The following SOX5 variants were observed in gnomAD, a reference collection of about 807,000 sequenced individuals.
The protein encoded by SOX5 is SRY-box transcription factor 5.
SOX5 carries 9 observed loss-of-function variants against 92.0 expected under a neutral mutation model. That is an observed-to-expected ratio of 0.10 (90% CI 0.06 to 0.17). The LOEUF is 0.17. Ranked by LOEUF, SOX5 falls within the 10% of genes least tolerant of loss-of-function variation. The pLI is 1.00. For synonymous variants in SOX5, 344 were observed against 336.3 expected (o/e 1.02, Z -0.25); for missense variants, 642 against 944.5 (o/e 0.68, Z 4.20).
rs57192965 is a variant in SOX5 at position 24,370,476 on chromosome 12, C to CAAAAAAAAAAA, written c.-250-1848_-250-1838dup. 2.2e-3 allele frequency among the ~76,000 whole-genome samples: 172 copies of CAAAAAAAAAAA among 79,690 alleles called. 8 individuals are homozygous for CAAAAAAAAAAA. The highest frequency in any genetic ancestry group is 8.0e-3 in the African/African-American group (159 of 19,954). 52.3% of individuals were successfully genotyped at this position (79,690 alleles called of 152,430 possible). Reference sequence around the variant, plus strand: ...TGGGCGACACTGCAAGACTCCGTCTCAAAAAAAAAAAAAAAAAAAGATGTA... The same window carrying CAAAAAAAAAAA: ...TGGGCGACACTGCAAGACTCCGTCTCAAAAAAAAAAAAAAAAAAAAAAAAAAAAAAGATGTA... On this transcript the variant is annotated intron_variant, in intron 1 of 4. Transcript: ENST00000446891.
intron 4 of SOX5, among the ~76,000 whole-genome samples, chr12:24,125,531 G>T (rs1215532883): frequency 6.6e-6 from 1 of 152,066 alleles, no homozygotes; most frequent in Non-Finnish European, 1.5e-5. Flanking sequence ...GTACCATTTT[G>T]CCCCTTCTGT....
chr12:23,694,095 C>T (rs757562443), intron 6 of SOX5, among the ~76,000 whole-genome samples: 1 of 152,006 alleles, frequency 6.6e-6, no homozygotes, highest in African/African-American at 2.4e-5. Context: ...ACTTTTGCTC[C>T]CATGATTATG....
chr12:24,255,089 T>A (rs891873260), intron 3 of SOX5, among the ~76,000 whole-genome samples: 10 of 152,292 alleles, frequency 6.6e-5, no homozygotes, highest in African/African-American at 2.4e-4. Context: ...CAAGGGTAGA[T>A]AATAGCCTAA....
intron 1 of SOX5, among the ~76,000 whole-genome samples, chr12:24,388,958 T>C (rs1958695448): frequency 2.0e-5 from 3 of 151,610 alleles, no homozygotes; most frequent in Non-Finnish European, 4.4e-5. Context: ...ATTATTTTTA[T>C]TTTATTTATT....
At chr12:24,036,007 C>T (rs1250571629) in intron 4 of SOX5, among the ~76,000 whole-genome samples, 1 of 151,744 alleles carries the variant, frequency 6.6e-6, no homozygotes, top group East Asian at 1.9e-4. Context: ...TTTTTCATAC[C>T]AGGAGAACCC....
At chr12:23,878,863 C>A (rs572421502) in intron 2 of SOX5, among the ~76,000 whole-genome samples, 4 of 151,954 alleles carry the variant, frequency 2.6e-5, no homozygotes, top group Non-Finnish European at 5.9e-5. Context: ...TTGCAGATAT[C>A]CAGTTCTAGG....
intron 6 of SOX5, 96 bp downstream of exon 6, chr12:23,734,588 T>A: frequency 1.1e-6 from 1 of 913,308 alleles, no homozygotes; most frequent in Non-Finnish European, 1.6e-6. Flanking sequence ...TGAAAGTCAT[T>A]TTTATTTTGG....
chr12:23,624,417 A>C (rs1049503370), intron 8 of SOX5, among the ~76,000 whole-genome samples: 2 of 152,224 alleles, frequency 1.3e-5, no homozygotes, highest in African/African-American at 4.8e-5. Context: ...TTAGGGCACA[A>C]TTAAAATTTT....
At chr12:24,143,856 AAGAAGGAGG>A (rs1243643363) in intron 4 of SOX5, among the ~76,000 whole-genome samples, 3 of 151,586 alleles carry the variant, frequency 2.0e-5, no homozygotes, top group Admixed American at 6.6e-5. Flanking sequence ...AGGAGGAAAG[AAGAAGGAGG>A]AGAAGGAGGA....
chr12:23,625,330 G>A (rs1035212014), intron 8 of SOX5, among the ~76,000 whole-genome samples: 2 of 152,160 alleles, frequency 1.3e-5, no homozygotes, highest in Admixed American at 6.5e-5. Context: ...GGTGAAAGTG[G>A]GGGCTGTTAC....
chr12:24,207,163 G>A (rs1038585350), intron 4 of SOX5, among the ~76,000 whole-genome samples: 3 of 152,192 alleles, frequency 2.0e-5, no homozygotes, highest in African/African-American at 7.2e-5. Context: ...TTTACTGTAA[G>A]CGTCTAAATG....
chr12:24,475,386 C>T (rs1403927826), intron 1 of SOX5, among the ~76,000 whole-genome samples: 1 of 152,166 alleles, frequency 6.6e-6, no homozygotes, highest in Non-Finnish European at 1.5e-5. Flanking sequence ...AGGCAGGAAT[C>T]GTGTACTGTT....
At chr12:24,463,396 C>T (rs758482845) in intron 1 of SOX5, among the ~76,000 whole-genome samples, 7 of 152,144 alleles carry the variant, frequency 4.6e-5, no homozygotes, top group Admixed American at 2.0e-4. Flanking sequence ...GCCTTGGATG[C>T]TCACAAATCA....
chr12:24,183,871 C>A (rs879469860), intron 4 of SOX5, among the ~76,000 whole-genome samples: 1 of 152,138 alleles, frequency 6.6e-6, no homozygotes, highest in Non-Finnish European at 1.5e-5. Context: ...TATCTACAAA[C>A]TGTAGACATT....
At chr12:24,108,742 T>C (rs1230229029) in intron 4 of SOX5, among the ~76,000 whole-genome samples, 1 of 152,172 alleles carries the variant, frequency 6.6e-6, no homozygotes, top group Non-Finnish European at 1.5e-5. Context: ...AGTTCTCTCC[T>C]CTACCAGTGT....
At chr12:23,898,597 T>C (rs189079303) in intron 1 of SOX5, among the ~76,000 whole-genome samples, 1 of 152,366 alleles carries the variant, frequency 6.6e-6, no homozygotes, top group African/African-American at 2.4e-5. Context: ...AAGACATTGA[T>C]AGTTTTATCA....
At chr12:23,794,199 T>C (rs879425355) in intron 3 of SOX5, among the ~76,000 whole-genome samples, 3 of 152,134 alleles carry the variant, frequency 2.0e-5, no homozygotes, top group African/African-American at 4.8e-5. Flanking sequence ...TGGTGTGCTG[T>C]TTACTGGTTT....
chr12:24,364,048 C>A (rs544986380), intron 2 of SOX5, among the ~76,000 whole-genome samples: 3 of 152,174 alleles, frequency 2.0e-5, no homozygotes, highest in African/African-American at 7.2e-5. Flanking sequence ...AGATTAGATG[C>A]TTTGTCTCTT....
Position 23,804,915 on chromosome 12 carries a change from TTA to T in SOX5, c.481+41066_481+41067del, listed in dbSNP as rs528741802. 9.2e-3 allele frequency among the ~76,000 whole-genome samples: 688 copies of T among 74,634 alleles called. 2 individuals are homozygous for T. The highest frequency in any genetic ancestry group is 0.01 in the Non-Finnish European group (403 of 38,886). The allele number at this position is 74,634 out of a possible 152,430, so 49.0% of individuals were successfully genotyped here. A position where few individuals can be genotyped will look rare whatever the true frequency, so the allele number is the denominator to read the frequency against. On this transcript the variant is annotated intron_variant, in intron 3 of 14. Coordinates refer to ENST00000451604, the MANE Select transcript of SOX5 (RefSeq NM_006940.6). The stretch of plus-strand genomic sequence containing the variant: ...TTTTCTCTATTTACCTATCATTGTT[TTA>T]TATATATATATATATATATATATAT...
Sources: gnomAD v4.1 joint callset for allele counts (sites outside exome capture counted in the v4.1 genomes callset) on GRCh38, gnomAD v4.1.1 for gene constraint, MANE v1.5 for transcripts, NCBI Gene and HGNC (gene_info 2026-07-23, HGNC 2026-07-21) for gene names.